Variants in GTF3C2 observed in about 807,000 individuals in gnomAD.
GTF3C2 encodes the protein general transcription factor 3C polypeptide 2.
In GTF3C2, 17 loss-of-function variants were observed where a neutral mutation model predicts 117.4. The ratio of observed to expected loss-of-function variants is 0.14; its 90% CI spans 0.10 to 0.22. The LOEUF is 0.22. Ranked by LOEUF, GTF3C2 falls within the 10% of genes least tolerant of loss-of-function variation. The probability of loss-of-function intolerance (pLI) is 1.00; values close to 1 mark genes in which losing one functional copy is unlikely to be tolerated. For missense variants in GTF3C2, 888 were observed against 1,143.6 expected, an observed-to-expected ratio of 0.78 and a Z score of 3.22; for synonymous variants, 437 against 427.0, an observed-to-expected ratio of 1.02 and a Z score of -0.29.
chr2:27,343,311 G>A (rs374600870), exon 2 of GTF3C2: 2 of 1,613,674 alleles, frequency 1.2e-6, no homozygotes, highest in Non-Finnish European at 1.7e-6. Flanking sequence ...TACATACCTG[G>A]CTGTTCCAGT....
intron 5 of GTF3C2, 135 bp from the exon 6 acceptor site, chr2:27,337,693 C>A (rs1420627854): frequency 6.8e-6 from 5 of 735,468 alleles, no homozygotes; most frequent in Non-Finnish European, 1.2e-5. Flanking sequence ...CAATTAGCTA[C>A]CAAGCACCTA....
intron 1 of GTF3C2, among the ~76,000 whole-genome samples, chr2:27,353,637 C>G (rs1342270139): frequency 6.6e-6 from 1 of 152,090 alleles, no homozygotes; most frequent in Non-Finnish European, 1.5e-5. Flanking sequence ...TGGGATTTCA[C>G]CATGTTGGCC....
At chr2:27,332,668 C>A (rs1680318764) in intron 12 of GTF3C2, among the ~76,000 whole-genome samples, 1 of 152,032 alleles carries the variant, frequency 6.6e-6, no homozygotes. Context: ...CCTGCCTCGG[C>A]CTCCCAGAGT....
intron 1 of GTF3C2, among the ~76,000 whole-genome samples, chr2:27,354,024 A>G (rs1681234283): frequency 6.6e-6 from 1 of 150,792 alleles, no homozygotes; most frequent in South Asian, 2.1e-4. Flanking sequence ...CACCCAGCCT[A>G]TAACGTATGT....
chr2:27,334,678 A>AG (rs1451608998), intron 10 of GTF3C2, among the ~76,000 whole-genome samples: 2 of 151,534 alleles, frequency 1.3e-5, no homozygotes, highest in Non-Finnish European at 2.9e-5. Flanking sequence ...CATCTCACTA[A>AG]GCCGCCCAGG....
rs1325878298 is a variant in GTF3C2, at chr2:27,328,831, A to G, written c.2127+13T>C. Reference sequence around the variant, plus strand: ...CCTTTGTAATGAAGACTGCAAAAGAAAGGGGGGCTCACCCAAACGGTGCCT... The same window carrying G: ...CCTTTGTAATGAAGACTGCAAAAGAGAGGGGGGCTCACCCAAACGGTGCCT... On this transcript the variant is annotated intron_variant, in intron 15 of 18. Transcript: ENST00000264720. 1.3e-6 allele frequency: 2 copies of G among 1,596,322 alleles called. No individual in the cohort carries two copies. Among genetic ancestry groups the G allele is most frequent in the Non-Finnish European group, 1.7e-6 (2 of 1,164,188 alleles).
intron 4 of GTF3C2, among the ~76,000 whole-genome samples, chr2:27,341,197 G>A (rs1406987076): frequency 6.6e-6 from 1 of 151,686 alleles, no homozygotes; most frequent in Non-Finnish European, 1.5e-5. Context: ...CACCATGCCT[G>A]GCTAATTTTT....
intron 1 of GTF3C2, among the ~76,000 whole-genome samples, chr2:27,348,156 A>G (rs1280762360): frequency 6.6e-6 from 1 of 152,060 alleles, no homozygotes; most frequent in Non-Finnish European, 1.5e-5. Flanking sequence ...AATCCCAGCT[A>G]CTTGGGAGGC....
chr2:27,331,417 T>C (rs932384901), intron 12 of GTF3C2, among the ~76,000 whole-genome samples: 1 of 152,090 alleles, frequency 6.6e-6, no homozygotes, highest in Admixed American at 6.5e-5. Flanking sequence ...ACATCTGCCT[T>C]CCAGTTCAAG....
chr2:27,344,764 G>T (rs1049449589), intron 1 of GTF3C2, among the ~76,000 whole-genome samples: 1 of 152,114 alleles, frequency 6.6e-6, no homozygotes, highest in Admixed American at 6.6e-5. Flanking sequence ...AAGAAGGACT[G>T]CTTGAGGCCA....
intron 1 of GTF3C2, among the ~76,000 whole-genome samples, chr2:27,354,579 AC>A (rs1681259960): frequency 6.6e-6 from 1 of 151,974 alleles, no homozygotes; most frequent in African/African-American, 2.4e-5. Flanking sequence ...ACATGGTGAA[AC>A]CCCATCTCTA....
intron 1 of GTF3C2, chr2:27,355,985 C>A: frequency 1.5e-6 from 1 of 661,476 alleles, no homozygotes. Context: ...GAGAACTATT[C>A]AGAAAACAAT....
chr2:27,332,726 T>C (rs532042980), intron 12 of GTF3C2, among the ~76,000 whole-genome samples: 1 of 151,596 alleles, frequency 6.6e-6, no homozygotes, highest in African/African-American at 2.4e-5. Context: ...AAAATTTTAT[T>C]ATTTTTTTGA....
At chr2:27,342,543 ATAC>A in intron 3 of GTF3C2, 1 of 543,992 alleles carries the variant, frequency 1.8e-6, no homozygotes, top group Non-Finnish European at 3.3e-6. Flanking sequence ...CAGAATATAT[ATAC>A]TGACATATAC....
intron 12 of GTF3C2, among the ~76,000 whole-genome samples, chr2:27,331,453 G>A (rs1254811781): frequency 6.6e-6 from 1 of 152,082 alleles, no homozygotes; most frequent in Non-Finnish European, 1.5e-5. Flanking sequence ...AGCCTCCTGA[G>A]TAGCTGGGAC....
intron 6 of GTF3C2, 51 bp from the exon 7 acceptor site, chr2:27,337,393 T>C (rs1680527430): frequency 6.7e-7 from 1 of 1,486,862 alleles, no homozygotes; most frequent in African/African-American, 1.4e-5. Flanking sequence ...TTCACCCATC[T>C]CAGGGTTCCC....
Position 27,329,529 on chromosome 2 carries a change from A to G in GTF3C2, c.1733-6T>C, listed in dbSNP as rs1680207211. ...GTTCCAGAAAACCACCATGCCTGAA[A>G]TAAGGACAGAATGTGTGAGCATTAA... On this transcript the variant is annotated splice_polypyrimidine_tract_variant and splice_region_variant and intron_variant, in intron 12 of 18. Transcript: ENST00000264720. This position sits in a 1 kb window ranked among gnomAD's most constrained non-coding sequence, Gnocchi z 4.5. 1 of 1,613,742 alleles carries G rather than the reference A, an allele frequency of 6.2e-7. No homozygotes were observed. The highest frequency in any genetic ancestry group is 8.5e-7 in the Non-Finnish European group (1 of 1,179,756).
chr2:27,335,451 T>C (rs1401422295), intron 10 of GTF3C2, 147 bp downstream of exon 10: 1 of 714,622 alleles, frequency 1.4e-6, no homozygotes, highest in African/African-American at 1.7e-5. Flanking sequence ...AGAACAAACC[T>C]GAGTCACAAT....
intron 10 of GTF3C2, among the ~76,000 whole-genome samples, chr2:27,334,200 CTT>C (rs368640856): frequency 1.4e-5 from 2 of 143,790 alleles, no homozygotes. Flanking sequence ...CAGGCCTTGC[CTT>C]TTTTTTTTTT....
Sources: allele counts gnomAD v4.1 joint callset (sites outside exome capture counted in the v4.1 genomes callset), GRCh38; gene constraint gnomAD v4.1.1; non-coding constraint Gnocchi (gnomAD v3.1); transcripts MANE v1.5; gene names NCBI Gene and HGNC (gene_info 2026-07-23, HGNC 2026-07-21).